Variants in NFASC observed in about 807,000 individuals in gnomAD.
NFASC encodes neurofascin homolog.
Under a neutral mutation model 147.5 loss-of-function variants are expected in NFASC, and 43 were observed. That is an observed-to-expected ratio of 0.29 (90% CI 0.23 to 0.38). The LOEUF is 0.38. NFASC is among the 10% of genes least tolerant of loss of function. The pLI is 1.00. For synonymous variants in NFASC, 622 were observed against 665.5 expected (o/e 0.93, Z 1.01); for missense variants, 1,320 against 1,689.0 (o/e 0.78, Z 3.83).
intron 7 of NFASC, among the ~76,000 whole-genome samples, chr1:204,956,582 T>A (rs891198737): frequency 6.6e-6 from 1 of 152,230 alleles, no homozygotes; most frequent in Non-Finnish European, 1.5e-5. Context: ...CACGCTGCAT[T>A]GCAATTGTTT....
intron 2 of NFASC, among the ~76,000 whole-genome samples, chr1:204,941,149 A>G (rs1017976537): frequency 6.6e-6 from 1 of 152,220 alleles, no homozygotes; most frequent in African/African-American, 2.4e-5. Context: ...GCCACTAACC[A>G]GCTAGGTAAA....
chr1:204,838,276 AC>A (rs1674340087), intron 1 of NFASC, among the ~76,000 whole-genome samples: 1 of 152,228 alleles, frequency 6.6e-6, no homozygotes, highest in Non-Finnish European at 1.5e-5. Context: ...TTTATATTAG[AC>A]TGCACAGCTC....
intron 1 of NFASC, among the ~76,000 whole-genome samples, chr1:204,864,561 C>G (rs1017703318): frequency 1.3e-5 from 2 of 152,190 alleles, no homozygotes; most frequent in African/African-American, 2.4e-5. Flanking sequence ...TAGCCATCCT[C>G]TACACATCCT....
chr1:204,930,042 G>C (rs780832608), intron 2 of NFASC, among the ~76,000 whole-genome samples: 1 of 152,188 alleles, frequency 6.6e-6, no homozygotes, highest in Non-Finnish European at 1.5e-5. Context: ...ATGCCTAGCC[G>C]ATCCCTGGGC....
At chr1:204,961,415 C>G (rs968880530) in intron 8 of NFASC, among the ~76,000 whole-genome samples, 1 of 152,224 alleles carries the variant, frequency 6.6e-6, no homozygotes, top group Non-Finnish European at 1.5e-5. Context: ...AATTCTAAAG[C>G]CTGAACCTCA....
intron 12 of NFASC, among the ~76,000 whole-genome samples, chr1:204,973,788 T>A (rs1446714912): frequency 1.2e-4 from 18 of 152,168 alleles, no homozygotes; most frequent in Admixed American, 1.2e-3. Flanking sequence ...CCATGTTGAC[T>A]TCCCCTGGGT....
chr1:205,016,233 T>C lies in NFASC; in HGVS notation c.3492-75T>C. 1.0e-6 allele frequency: 1 copy of C among 994,610 alleles called. No individual in the cohort carries two copies. The highest frequency in any genetic ancestry group is 1.6e-6 in the Non-Finnish European group (1 of 624,456). 61.6% of individuals were successfully genotyped at this position (994,610 alleles called of 1,614,324 possible). A position where few individuals can be genotyped will look rare whatever the true frequency, so the allele number is the denominator to read the frequency against. On this transcript the variant is annotated intron_variant, in intron 29 of 29. Coordinates refer to ENST00000339876, the MANE Select transcript of NFASC (RefSeq NM_001005388.3). This position sits in a 1 kb window ranked among gnomAD's most constrained non-coding sequence, Gnocchi z 5.1. The stretch of plus-strand genomic sequence containing the variant: ...CCTGGATCCCATCCTCTCTGAGCTG[T>C]GTAGGGCATGTGCTGGCAGGAGGCC...
chr1:204,835,689 G>A (rs568806780), intron 1 of NFASC, among the ~76,000 whole-genome samples: 1 of 152,136 alleles, frequency 6.6e-6, no homozygotes, highest in Non-Finnish European at 1.5e-5. Flanking sequence ...GGTGTGTCTG[G>A]AGCAGTATAT....
chr1:204,995,635 C>G (rs1216586000), intron 24 of NFASC, among the ~76,000 whole-genome samples: 1 of 152,150 alleles, frequency 6.6e-6, no homozygotes, highest in Admixed American at 6.5e-5. Flanking sequence ...GTGGCCAGCA[C>G]CCTCGGGGCA....
chr1:204,907,414 T>G (rs2086233959), intron 1 of NFASC, among the ~76,000 whole-genome samples: 3 of 152,214 alleles, frequency 2.0e-5, no homozygotes, highest in Admixed American at 2.0e-4. Flanking sequence ...GTTTTCATCC[T>G]CTTAGTAATG....
At chr1:204,899,450 G>A (rs1452404377) in intron 1 of NFASC, among the ~76,000 whole-genome samples, 2 of 152,156 alleles carry the variant, frequency 1.3e-5, no homozygotes, top group Admixed American at 6.5e-5. Flanking sequence ...CAGTCCAAGC[G>A]CCAACTCCAC....
At position 204,936,036 on chromosome 1, in the gene NFASC, G is replaced by A. The variant is rs117325269; in HGVS notation, c.-90-8190G>A. Among the ~76,000 whole-genome samples the A allele has an allele frequency of 1.5e-3, 232 of 152,100 alleles. 6 individuals carry two copies. In the East Asian group the frequency reaches 0.032, roughly 21 times the overall value. ...CCCCAGTATAAAAACAGTCACTGTT[G>A]GCAGCTCTGGGGAGAGTGGGAGGGG... On this transcript the variant is annotated intron_variant, in intron 2 of 29. Coordinates refer to ENST00000339876, the MANE Select transcript of NFASC (RefSeq NM_001005388.3).
At chr1:204,936,949 C>T (rs1189955161) in intron 2 of NFASC, among the ~76,000 whole-genome samples, 1 of 152,240 alleles carries the variant, frequency 6.6e-6, no homozygotes, top group Non-Finnish European at 1.5e-5. Flanking sequence ...CAGTTTCTTG[C>T]ATGGGGCAAT....
chr1:204,889,708 C>A (rs987336810), intron 1 of NFASC, among the ~76,000 whole-genome samples: 2 of 152,176 alleles, frequency 1.3e-5, no homozygotes, highest in African/African-American at 2.4e-5. Context: ...TTCCTTTCCT[C>A]AATTAGAATG....
intron 1 of NFASC, among the ~76,000 whole-genome samples, chr1:204,834,550 C>A (rs1571839951): frequency 1.3e-5 from 2 of 152,326 alleles, no homozygotes; most frequent in South Asian, 4.1e-4. Context: ...CCTCCCCTCC[C>A]GGGCTGGCCC....
chr1:204,849,855 C>T (rs1379634080), intron 1 of NFASC, among the ~76,000 whole-genome samples: 1 of 152,164 alleles, frequency 6.6e-6, no homozygotes, highest in East Asian at 1.9e-4. Flanking sequence ...CTGCTGTGGT[C>T]TCTCTTTTAT....
intron 8 of NFASC, among the ~76,000 whole-genome samples, chr1:204,966,785 T>C (rs1419793238): frequency 6.6e-6 from 1 of 152,216 alleles, no homozygotes; most frequent in African/African-American, 2.4e-5. Context: ...GAGCATTTGC[T>C]GTATGCCGTG....
intron 1 of NFASC, among the ~76,000 whole-genome samples, chr1:204,850,111 C>T (rs1232996387): frequency 2.0e-5 from 3 of 152,156 alleles, no homozygotes; most frequent in Non-Finnish European, 2.9e-5. Flanking sequence ...CCTTGCTCTG[C>T]TCTGACTTAA....
intron 2 of NFASC, among the ~76,000 whole-genome samples, chr1:204,941,503 G>A (rs1436941415): frequency 1.3e-5 from 2 of 151,988 alleles, no homozygotes; most frequent in Admixed American, 1.3e-4. Flanking sequence ...ACTTCCTACT[G>A]CTTGGCAGCT....
Sources: gnomAD v4.1 joint callset for allele counts (sites outside exome capture counted in the v4.1 genomes callset) on GRCh38, gnomAD v4.1.1 for gene constraint, Gnocchi (gnomAD v3.1) non-coding constraint, MANE v1.5 for transcripts, NCBI Gene and HGNC (gene_info 2026-07-23, HGNC 2026-07-21) for gene names.